Variants in DMD observed in about 807,000 individuals in gnomAD.
DMD encodes mutant dystrophin.
Under a neutral mutation model 330.1 loss-of-function variants are expected in DMD, and 63 were observed. That is an observed-to-expected ratio of 0.19 (90% CI 0.16 to 0.24). The LOEUF is 0.24. Among genes scored for constraint, DMD ranks in the 10% least tolerant of loss-of-function variants. DMD has a pLI of 1.00. For missense variants in DMD, 3,344 were observed against 2,684.1 expected, an observed-to-expected ratio of 1.25 and a Z score of -5.43; for synonymous variants, 1,223 against 959.8, an observed-to-expected ratio of 1.27 and a Z score of -5.07.
chrX:32,402,681 C>T (rs935633785), intron 30 of DMD, among the ~76,000 whole-genome samples: 7 of 111,670 alleles, frequency 6.3e-5, no homozygotes, highest in Admixed American at 1.9e-4. Flanking sequence ...TATTTTCCAT[C>T]AGTCTTTCCT....
chrX:32,961,573 T>C lies in DMD; in HGVS notation c.93+58566A>G, dbSNP rs894204648. 1.7e-4 allele frequency among the ~76,000 whole-genome samples: 19 copies of C among 111,714 alleles called. 1 individual carries two copies. The highest frequency in any genetic ancestry group is 1.6e-3 in the Admixed American group (17 of 10,418). On this transcript the variant is annotated intron_variant, in intron 2 of 78. Coordinates refer to ENST00000357033, the MANE Select transcript of DMD (RefSeq NM_004006.3). The stretch of plus-strand genomic sequence containing the variant: ...ACTCAACAAAATTACTGATTTTTAT[T>C]AATAGTTTTTTCAATCACCTGTATA...
At chrX:32,096,552 C>T (rs2096507748) in intron 44 of DMD, among the ~76,000 whole-genome samples, 1 of 108,774 alleles carries the variant, frequency 9.2e-6, no homozygotes, top group African/African-American at 3.4e-5. Context: ...TCCAAGGGAT[C>T]CATTAAAAAA....
intron 11 of DMD, among the ~76,000 whole-genome samples, chrX:32,623,620 C>G (rs2058145813): frequency 9.3e-6 from 1 of 108,071 alleles, no homozygotes; most frequent in Admixed American, 9.9e-5. Flanking sequence ...CTTGACCTCC[C>G]AGGCCCAAAT....
chrX:32,731,053 T>C (rs905484122), intron 7 of DMD, among the ~76,000 whole-genome samples: 4 of 111,361 alleles, frequency 3.6e-5, no homozygotes, highest in Non-Finnish European at 7.5e-5. Flanking sequence ...AGTGGGTGCG[T>C]GCACCGTGCG....
chrX:31,540,187 A>AT (rs949608719), intron 55 of DMD, among the ~76,000 whole-genome samples: 4 of 112,359 alleles, frequency 3.6e-5, no homozygotes, highest in African/African-American at 1.3e-4. Flanking sequence ...AGTAATAACC[A>AT]TTTGAATCTC....
At chrX:33,243,212 T>G (rs922635809) in intron 1 of DMD, among the ~76,000 whole-genome samples, 25 of 112,125 alleles carry the variant, frequency 2.2e-4, no homozygotes, top group African/African-American at 7.5e-4. Context: ...CAATGTTATC[T>G]TCTAGAATTT....
chrX:32,737,501 G>T (rs974002664), intron 7 of DMD, among the ~76,000 whole-genome samples: 1 of 111,054 alleles, frequency 9.0e-6, no homozygotes, highest in African/African-American at 3.3e-5. Flanking sequence ...GACTCCACAA[G>T]TCTTGAAAAC....
chrX:31,297,134 T>C (rs2054250757), intron 62 of DMD, among the ~76,000 whole-genome samples: 2 of 111,466 alleles, frequency 1.8e-5, no homozygotes, highest in African/African-American at 6.5e-5. Context: ...GAAGAGCCCC[T>C]GAAAACTCAA....
chrX:32,582,838 T>G (rs1382260482), intron 13 of DMD, among the ~76,000 whole-genome samples: 1 of 111,661 alleles, frequency 9.0e-6, no homozygotes, highest in Non-Finnish European at 1.9e-5. Context: ...ATTCTCTGCC[T>G]CTTTGAGATG....
At chrX:32,937,130 G>A (rs2090075536) in intron 2 of DMD, among the ~76,000 whole-genome samples, 1 of 110,412 alleles carries the variant, frequency 9.1e-6, no homozygotes, top group Non-Finnish European at 1.9e-5. Context: ...ATTCAAGAAG[G>A]GATGACGGAG....
intron 11 of DMD, among the ~76,000 whole-genome samples, chrX:32,632,580 C>T (rs1602345031): frequency 8.9e-6 from 1 of 112,645 alleles, no homozygotes; most frequent in Admixed American, 9.3e-5. Context: ...TTCCATACAA[C>T]CTCTAAAATC....
chrX:32,593,041 G>A (rs764387471), intron 13 of DMD, among the ~76,000 whole-genome samples: 1 of 112,781 alleles, frequency 8.9e-6, no homozygotes, highest in Non-Finnish European at 1.9e-5. Context: ...ACTGCTCTGT[G>A]CCTGGCTTGC....
At position 32,364,083 on chromosome X, in the gene DMD, C is replaced by A. The variant is rs374277983; in HGVS notation, c.5154+499G>T. 1.4e-4 allele frequency among the ~76,000 whole-genome samples: 16 copies of A among 111,852 alleles called. No individual in the cohort carries two copies. The South Asian group carries it at 5.9e-3, about 42-fold the overall frequency. On this transcript the variant is annotated intron_variant, in intron 36 of 78. Transcript: ENST00000357033. ...CAGTTTTGAGACTAAAAGAAAGAAC[C>A]CAAAGCCTAGTTTACATGTAGTTAA...
At chrX:31,998,504 C>T (rs1367096065) in intron 44 of DMD, among the ~76,000 whole-genome samples, 2 of 111,581 alleles carry the variant, frequency 1.8e-5, no homozygotes, top group East Asian at 2.8e-4. Context: ...CCTGTTAATA[C>T]GTTCTGGTGG....
intron 29 of DMD, among the ~76,000 whole-genome samples, chrX:32,424,237 C>G (rs1569562119): frequency 1.8e-5 from 2 of 110,069 alleles, no homozygotes; most frequent in Non-Finnish European, 1.9e-5. Context: ...TTTTGCAGAG[C>G]ATTCAACCTA....
chrX:31,168,569 C>T (rs888767332), intron 74 of DMD, among the ~76,000 whole-genome samples: 5 of 111,708 alleles, frequency 4.5e-5, no homozygotes, highest in Non-Finnish European at 7.5e-5. Context: ...CTCAGACACA[C>T]TGCGTTGCCT....
intron 44 of DMD, among the ~76,000 whole-genome samples, chrX:32,164,891 G>A (rs1402975846): frequency 2.7e-5 from 3 of 111,794 alleles, no homozygotes; most frequent in African/African-American, 6.5e-5. Flanking sequence ...GGTACAGTTC[G>A]GACCATTGCT....
At chrX:32,404,804 T>C (rs1041188119) in intron 30 of DMD, among the ~76,000 whole-genome samples, 13 of 112,019 alleles carry the variant, frequency 1.2e-4, no homozygotes, top group African/African-American at 3.9e-4. Flanking sequence ...TGCAAGTTAA[T>C]TGACATGTTA....
At chrX:33,038,831 A>T (rs1431861991) in intron 1 of DMD, among the ~76,000 whole-genome samples, 1 of 110,030 alleles carries the variant, frequency 9.1e-6, no homozygotes, top group Non-Finnish European at 1.9e-5. Context: ...CGTCTCTACT[A>T]AAAAACACAA....
Sources: gnomAD v4.1 joint callset for allele counts (sites outside exome capture counted in the v4.1 genomes callset) on GRCh38, gnomAD v4.1.1 for gene constraint, MANE v1.5 for transcripts, NCBI Gene and HGNC (gene_info 2026-07-23, HGNC 2026-07-21) for gene names.